The following DNAH7 variants were observed in gnomAD, a reference collection of about 807,000 sequenced individuals.
DNAH7 encodes dynein axonemal heavy chain 7.
Under a neutral mutation model 444.6 loss-of-function variants are expected in DNAH7, and 397 were observed. The ratio of observed to expected loss-of-function variants is 0.89; its 90% confidence interval spans 0.82 to 0.97. The LOEUF is 0.97. Ranked by LOEUF, DNAH7 falls within the 50% of genes least tolerant of loss-of-function variation. The probability of loss-of-function intolerance (pLI) is 0.00; values close to 1 mark genes in which losing one functional copy is unlikely to be tolerated. For missense variants in DNAH7, 4,902 were observed against 4,800.8 expected, an observed-to-expected ratio of 1.02 and a Z score of -0.62; for synonymous variants, 1,636 against 1,624.4, an observed-to-expected ratio of 1.01 and a Z score of -0.17.
At chr2:195,919,191 A>T (rs530485031) in intron 24 of DNAH7, among the ~76,000 whole-genome samples, 4 of 150,874 alleles carry the variant, frequency 2.7e-5, no homozygotes, top group Non-Finnish European at 5.9e-5. Context: ...CGGAGGTTGC[A>T]GTGAGCTGAG....
At chr2:195,843,957 G>A (rs1317532323) in intron 47 of DNAH7, among the ~76,000 whole-genome samples, 8 of 152,028 alleles carry the variant, frequency 5.3e-5, no homozygotes, top group African/African-American at 1.4e-4. Context: ...TTAGCCGGGC[G>A]TGGTGGCAGG....
At chr2:195,820,417 C>CA (rs1200154854) in intron 49 of DNAH7, among the ~76,000 whole-genome samples, 1 of 149,946 alleles carries the variant, frequency 6.7e-6, no homozygotes, top group Non-Finnish European at 1.5e-5. Flanking sequence ...ACCTATGTAA[C>CA]AAACCTGCAC....
intron 31 of DNAH7, among the ~76,000 whole-genome samples, chr2:195,890,020 T>C (rs989434893): frequency 6.6e-6 from 1 of 152,244 alleles, no homozygotes. Flanking sequence ...TTTCAGATCC[T>C]TATAATTCAA....
chr2:196,020,934 T>C (rs565241816), intron 8 of DNAH7, among the ~76,000 whole-genome samples: 12 of 152,254 alleles, frequency 7.9e-5, no homozygotes, highest in Non-Finnish European at 2.9e-5. Flanking sequence ...TAAAATGATA[T>C]AAAAGAAAAT....
intron 51 of DNAH7, 25 bp downstream of exon 51, chr2:195,816,603 A>G (rs746772399): frequency 1.3e-6 from 2 of 1,523,618 alleles, no homozygotes; most frequent in Non-Finnish European, 1.8e-6. Context: ...ATTAGTTAAT[A>G]TTAACTAGTA....
intron 38 of DNAH7, among the ~76,000 whole-genome samples, chr2:195,874,409 T>C (rs1700901499): frequency 1.3e-5 from 2 of 152,140 alleles, no homozygotes; most frequent in Non-Finnish European, 2.9e-5. Flanking sequence ...TTCAGAATTG[T>C]GATATTTTTA....
In DNAH7 at chr2:195,960,760, T is replaced by C; in HGVS notation, c.2391A>G (p.Glu797=). ...PYHKVNPDQV[E]ADIGNYWRGL... ...CTCTCCAGTAATTTCCAATATCTGC[T>C]TCTACTTGGTCTGGATTCACTTTAT... The change falls in exon 18 of 65, where the codon GAA becomes GAG. Residue 797 remains glutamate (E), a synonymous_variant. Coordinates refer to ENST00000312428, the MANE Select transcript of DNAH7 (RefSeq NM_018897.3). 2 of 1,614,162 alleles carry C rather than the reference T, an allele frequency of 1.2e-6. No homozygotes were observed. Among genetic ancestry groups the C allele is most frequent in the African/African-American group, 2.7e-5 (2 of 75,058 alleles).
intron 60 of DNAH7, 138 bp downstream of exon 60, chr2:195,775,708 T>G: frequency 2.3e-6 from 2 of 862,036 alleles, no homozygotes; most frequent in Non-Finnish European, 3.3e-6. Context: ...TTAAGTTATG[T>G]ATGTATTTTT....
Position 195,737,888 on chromosome 2 carries a change from A to G in DNAH7, c.*33T>C. 1.3e-6 allele frequency: 2 copies of G among 1,598,062 alleles called. No homozygotes were observed. The highest frequency in any genetic ancestry group is 1.7e-6 in the Non-Finnish European group (2 of 1,168,422). ...TGCTTTCTCTACTCAGCCAGCCAAC[A>G]AGAAATAGGAACAAGGAAATGATGT... On this transcript the variant is annotated 3_prime_UTR_variant, in exon 65 of 65. Coordinates refer to ENST00000312428, the MANE Select transcript of DNAH7 (RefSeq NM_018897.3).
chr2:195,817,784 G>T lies in DNAH7; in HGVS notation c.9337C>A (p.Gln3113Lys). The T allele has an allele frequency of 1.2e-6, 2 of 1,612,626 alleles. No homozygotes were observed. Among genetic ancestry groups the T allele is most frequent in the Non-Finnish European group, 8.5e-7 (1 of 1,179,298 alleles). ...TGTGCCACCACAATTCCCAGAAGCT[G>T]ATCTTGCATTCCCTCAGGGGTTATC... ...FMITPEGMQD[Q>K]LLGIVVAQER... The change falls in exon 50 of 65, where the codon CAG becomes AAG. Residue 3113 changes from glutamine (Q) to lysine (K), a missense_variant. Transcript: ENST00000312428.
chr2:196,030,527 G>C (rs1204435571), intron 5 of DNAH7, among the ~76,000 whole-genome samples: 1 of 152,184 alleles, frequency 6.6e-6, no homozygotes, highest in Non-Finnish European at 1.5e-5. Context: ...AAAGTCCACA[G>C]TCCAGAGTCT....
At chr2:195,850,360 A>G (rs1699287230) in intron 46 of DNAH7, among the ~76,000 whole-genome samples, 1 of 152,078 alleles carries the variant, frequency 6.6e-6, no homozygotes, top group South Asian at 2.1e-4. Context: ...TCTTGGTGAA[A>G]ATACCCAACA....
At chr2:195,950,035 T>C (rs1192634340) in intron 19 of DNAH7, among the ~76,000 whole-genome samples, 1 of 152,244 alleles carries the variant, frequency 6.6e-6, no homozygotes, top group African/African-American at 2.4e-5. Flanking sequence ...CGCATCAATG[T>C]CCATCAGGGA....
chr2:195,780,755 T>A (rs750854618), intron 58 of DNAH7, among the ~76,000 whole-genome samples: 7 of 151,246 alleles, frequency 4.6e-5, no homozygotes, highest in Non-Finnish European at 7.4e-5. Context: ...TGTCTCAAAA[T>A]ATATATATAT....
At position 195,936,648 on chromosome 2, in the gene DNAH7, A is replaced by C; in HGVS notation, c.3223T>G (p.Ser1075Ala). The C allele has an allele frequency of 6.2e-7, 1 of 1,606,518 alleles. No homozygotes were observed. Among genetic ancestry groups the C allele is most frequent in the Non-Finnish European group, 8.5e-7 (1 of 1,177,780 alleles). ...AGTATCTCAAGAAGTTCATCATTGG[A>C]CAAAAAAAAGAATCTGGGGAAAAAG... The part of the protein sequence containing the change: ...RLFFPRFFFL[S>A]NDELLEILSE... Residue 1075 changes from serine to alanine, a missense_variant, in exon 20 of 65, where the codon TCC becomes GCC. Ser to Ala is a moderately conservative substitution (Grantham distance 99). Coordinates refer to ENST00000312428, the MANE Select transcript of DNAH7 (RefSeq NM_018897.3).
At chr2:196,024,240 A>G (rs891957101) in intron 8 of DNAH7, among the ~76,000 whole-genome samples, 189 bp downstream of exon 8, 6 of 152,204 alleles carry the variant, frequency 3.9e-5, no homozygotes, top group Admixed American at 2.6e-4. Flanking sequence ...CAAACAACAC[A>G]GTATCTGTGA....
chr2:195,897,670 A>G lies in DNAH7; in HGVS notation c.4644T>C (p.Phe1548=), dbSNP rs1201129148. The G allele has an allele frequency of 5.8e-6, 9 of 1,565,216 alleles. No homozygotes were observed. The highest frequency in any genetic ancestry group is 7.9e-6 in the Non-Finnish European group (9 of 1,142,008). The part of the protein sequence containing the change: ...PKFLSHDLPL[F]EGITSDLFPG... ...TTGGGATAATGAATGTTCTTACCTC[A>G]AAGAGTGGTAAATCATGGGATAAAA... is the stretch of plus-strand genomic sequence containing the variant. The change falls in exon 29 of 65, where the codon TTT becomes TTC. Residue 1548 remains phenylalanine, a synonymous_variant. Transcript: ENST00000312428.
At chr2:196,068,587 C>A (rs2125913799) in intron 1 of DNAH7, 110 bp downstream of exon 1, 1 of 1,428,444 alleles carries the variant, frequency 7.0e-7, no homozygotes, top group East Asian at 2.5e-5. Flanking sequence ...AGCTGTACAC[C>A]GCGGAGTCAC....
At chr2:195,740,642 T>C (rs867273484) in intron 64 of DNAH7, 124 bp downstream of exon 64, 18 of 93,870 alleles carry the variant, frequency 1.9e-4, no homozygotes, top group African/African-American at 7.6e-4. Context: ...TATATATATA[T>C]ATACATATAC....
Sources: allele counts gnomAD v4.1 joint callset (sites outside exome capture counted in the v4.1 genomes callset), GRCh38; gene constraint gnomAD v4.1.1; transcripts MANE v1.5; gene names NCBI Gene and HGNC (gene_info 2026-07-23, HGNC 2026-07-21).